The following AGBL1 variants were observed in gnomAD, a reference collection of about 807,000 sequenced individuals.
AGBL1 encodes cytosolic carboxypeptidase 4.
Under a neutral mutation model 118.9 loss-of-function variants are expected in AGBL1, and 130 were observed. The observed-to-expected ratio is 1.09, with a 90% confidence interval of 0.95 to 1.26. The LOEUF (loss-of-function observed/expected upper bound fraction) is 1.26, where lower values mean the gene tolerates loss of function less well. Among genes scored for constraint, AGBL1 ranks in the 50% most tolerant of loss-of-function variants. The pLI is 0.00. For missense variants in AGBL1, 1,584 were observed against 1,298.1 expected (o/e 1.22, Z -3.38); for synonymous variants, 555 against 478.9 (o/e 1.16, Z -2.08).
chr15:87,029,354 C>A (rs2081764598), downstream of AGBL1, among the ~76,000 whole-genome samples: 1 of 151,808 alleles, frequency 6.6e-6, no homozygotes, highest in African/African-American at 2.4e-5. Context: ...TAAACATAGA[C>A]CAAAACTAGT....
At chr15:86,274,650 C>T (rs1180962594) in intron 15 of AGBL1, among the ~76,000 whole-genome samples, 1 of 152,124 alleles carries the variant, frequency 6.6e-6, no homozygotes, top group African/African-American at 2.4e-5. Context: ...CATATAAAAA[C>T]CGTAGATGCA....
intron 22 of AGBL1, among the ~76,000 whole-genome samples, chr15:86,856,593 G>A (rs898594264): frequency 7.9e-5 from 12 of 152,220 alleles, no homozygotes; most frequent in Admixed American, 7.9e-4. Context: ...TAAATAAAGT[G>A]CATTGAGCAT....
At chr15:86,196,584 A>G (rs550310295) in intron 5 of AGBL1, among the ~76,000 whole-genome samples, 136 of 152,252 alleles carry the variant, frequency 8.9e-4, no homozygotes, top group African/African-American at 3.2e-3. Context: ...TAATACCTGC[A>G]CAAAATTGGA....
At chr15:86,408,613 G>A (rs1387416624) in intron 18 of AGBL1, among the ~76,000 whole-genome samples, 2 of 152,146 alleles carry the variant, frequency 1.3e-5, no homozygotes, top group Non-Finnish European at 2.9e-5. Context: ...ATTATTGGTG[G>A]ATGGAAATTT....
chr15:86,171,933 C>G (rs1040757978), intron 5 of AGBL1, among the ~76,000 whole-genome samples: 16 of 152,180 alleles, frequency 1.1e-4, no homozygotes, highest in Admixed American at 3.9e-4. Flanking sequence ...AGTGAAGTAA[C>G]TCAAGAATAA....
At chr15:86,778,711 A>G (rs1036757505) in intron 22 of AGBL1, among the ~76,000 whole-genome samples, 1 of 152,150 alleles carries the variant, frequency 6.6e-6, no homozygotes, top group Admixed American at 6.5e-5. Context: ...TATTGTTCAA[A>G]CACACATGCT....
intron 22 of AGBL1, among the ~76,000 whole-genome samples, chr15:86,860,542 C>A (rs956670632): frequency 2.6e-5 from 4 of 151,954 alleles, no homozygotes; most frequent in African/African-American, 9.7e-5. Flanking sequence ...TTCATTAGAG[C>A]CTGACTTATA....
rs1318304986 is a variant in AGBL1, at chr15:86,084,856, T to C, written c.51+4833T>C. Among the ~76,000 whole-genome samples the C allele has an allele frequency of 2.7e-5, 4 of 149,286 alleles. No individual in the cohort carries two copies. In the East Asian group the frequency reaches 7.9e-4, roughly 30 times the overall value. ...TTTATCCATCCATCCATCCATCCCA[T>C]TTACCTGTTCATCCACCCATCCACC... On this transcript the variant is annotated intron_variant, in intron 1 of 22. Coordinates refer to ENST00000614907, the MANE Select transcript of AGBL1 (RefSeq NM_001386094.1).
intron 20 of AGBL1, among the ~76,000 whole-genome samples, chr15:86,550,867 A>G (rs1047390338): frequency 1.3e-5 from 2 of 151,992 alleles, no homozygotes; most frequent in African/African-American, 4.8e-5. Context: ...TAAGGGACTG[A>G]AACCATGCAC....
chr15:86,620,169 A>G (rs569211297), intron 21 of AGBL1, among the ~76,000 whole-genome samples: 20 of 152,178 alleles, frequency 1.3e-4, no homozygotes, highest in Non-Finnish European at 2.5e-4. Flanking sequence ...CATAAGTAGA[A>G]GATGAAAAGA....
intron 17 of AGBL1, among the ~76,000 whole-genome samples, chr15:86,298,259 A>ATATATATATATATATATATATATGGTAAC (rs2079682149): frequency 1.0e-5 from 1 of 96,088 alleles, no homozygotes; most frequent in East Asian, 3.3e-4. Flanking sequence ...ATATATATAT[A>ATATATATATATATATATATATATGGTAAC]TATATATATA....
intron 21 of AGBL1, among the ~76,000 whole-genome samples, chr15:86,588,642 C>T (rs1260666238): frequency 6.6e-6 from 1 of 152,212 alleles, no homozygotes; most frequent in Non-Finnish European, 1.5e-5. Flanking sequence ...GTCAGGGCCT[C>T]TGTGATGGAG....
chr15:86,234,314 A>G (rs1305074943), intron 6 of AGBL1, among the ~76,000 whole-genome samples: 18 of 152,044 alleles, frequency 1.2e-4, no homozygotes, highest in Non-Finnish European at 2.6e-4. Flanking sequence ...GCACTTTGGG[A>G]GGCCAAGGTG....
At chr15:86,186,139 G>T (rs908755493) in intron 5 of AGBL1, among the ~76,000 whole-genome samples, 150 of 151,356 alleles carry the variant, frequency 9.9e-4, no homozygotes, top group African/African-American at 3.5e-3. Context: ...AATATCACGC[G>T]TTCTGTTCTT....
chr15:86,672,434 T>C (rs1052493985), intron 21 of AGBL1, among the ~76,000 whole-genome samples: 3 of 152,226 alleles, frequency 2.0e-5, no homozygotes, highest in South Asian at 4.1e-4. Context: ...AATGACTCCT[T>C]CTTTTAACCT....
chr15:86,649,703 G>GGT (rs767401299), intron 21 of AGBL1, among the ~76,000 whole-genome samples: 3 of 140,268 alleles, frequency 2.1e-5, no homozygotes, highest in African/African-American at 7.8e-5. Context: ...ATTAATTTGG[G>GGT]TTTTTTTTCT....
chr15:86,165,969 C>T (rs965499042), intron 5 of AGBL1, among the ~76,000 whole-genome samples: 6 of 152,048 alleles, frequency 3.9e-5, no homozygotes, highest in Admixed American at 3.3e-4. Flanking sequence ...GGGTTAAAGC[C>T]CTTTCATCTT....
chr15:86,460,065 G>C (rs1418950427), intron 18 of AGBL1, among the ~76,000 whole-genome samples: 1 of 152,036 alleles, frequency 6.6e-6, no homozygotes, highest in Non-Finnish European at 1.5e-5. Flanking sequence ...GTCAGGGCCA[G>C]GCTGGTCAGA....
chr15:86,871,853 C>T (rs1215934716), intron 22 of AGBL1, among the ~76,000 whole-genome samples: 1 of 152,138 alleles, frequency 6.6e-6, no homozygotes, highest in African/African-American at 2.4e-5. Flanking sequence ...CATCATCCCT[C>T]AAATGAAAAT....
Sources: allele counts gnomAD v4.1 joint callset (sites outside exome capture counted in the v4.1 genomes callset), GRCh38; gene constraint gnomAD v4.1.1; transcripts MANE v1.5; gene names NCBI Gene and HGNC (gene_info 2026-07-23, HGNC 2026-07-21).